The following EPHA3 variants were observed in gnomAD, a reference collection of about 807,000 sequenced individuals.
EPHA3 encodes ephrin type-A receptor 3.
Under a neutral mutation model 107.1 loss-of-function variants are expected in EPHA3, and 42 were observed. The ratio of observed to expected loss-of-function variants is 0.39; its 90% CI spans 0.31 to 0.51. EPHA3 has a LOEUF of 0.51. Among genes scored for constraint, EPHA3 ranks in the 20% least tolerant of loss-of-function variants. The probability of loss-of-function intolerance (pLI) is 0.78; values close to 1 mark genes in which losing one functional copy is unlikely to be tolerated. For missense variants in EPHA3, 1,183 were observed against 1,211.2 expected (o/e 0.98, Z 0.35); for synonymous variants, 461 against 424.8 (o/e 1.09, Z -1.05).
chr3:89,147,263 A>G (rs1157835394), intron 2 of EPHA3, among the ~76,000 whole-genome samples: 2 of 151,784 alleles, frequency 1.3e-5, no homozygotes, highest in South Asian at 2.1e-4. Context: ...TGATGGGTTG[A>G]TAGGTACATC....
intron 2 of EPHA3, among the ~76,000 whole-genome samples, chr3:89,171,737 G>A (rs1336660589): frequency 6.6e-6 from 1 of 152,094 alleles, no homozygotes. Flanking sequence ...CATCCCAAAG[G>A]AGGCAGTTGA....
intron 3 of EPHA3, among the ~76,000 whole-genome samples, chr3:89,259,290 C>CTAACCCTGACCACCTCCTA (rs1705361325): frequency 6.6e-6 from 1 of 152,150 alleles, no homozygotes; most frequent in African/African-American, 2.4e-5. Flanking sequence ...TCTGTGTTCC[C>CTAACCCTGACCACCTCCTA]TAACCCTGAC....
At chr3:89,250,690 G>A (rs1323901648) in intron 3 of EPHA3, among the ~76,000 whole-genome samples, 1 of 152,080 alleles carries the variant, frequency 6.6e-6, no homozygotes, top group East Asian at 1.9e-4. Flanking sequence ...TTCCTTAAAA[G>A]GCTCAAACTT....
At chr3:89,162,003 T>C (rs1262417258) in intron 2 of EPHA3, among the ~76,000 whole-genome samples, 1 of 149,892 alleles carries the variant, frequency 6.7e-6, no homozygotes, top group African/African-American at 2.4e-5. Flanking sequence ...ATAATAGTAA[T>C]AATAATAAAT....
intron 1 of EPHA3, among the ~76,000 whole-genome samples, chr3:89,121,397 G>A (rs1707381318): frequency 6.6e-6 from 1 of 152,040 alleles, no homozygotes; most frequent in Non-Finnish European, 1.5e-5. Flanking sequence ...ACACATAATA[G>A]TTGACTTCGT....
chr3:89,438,687 G>A (rs1709722075), intron 13 of EPHA3, among the ~76,000 whole-genome samples: 1 of 152,076 alleles, frequency 6.6e-6, no homozygotes. Flanking sequence ...TATCTAATTT[G>A]TGTCCTTCAT....
At chr3:89,476,207 GTATA>G (rs1245915736) in intron 16 of EPHA3, among the ~76,000 whole-genome samples, 1 of 146,192 alleles carries the variant, frequency 6.8e-6, no homozygotes, top group African/African-American at 2.5e-5. Context: ...ATATAAACAT[GTATA>G]TATATAAGCA....
intron 5 of EPHA3, among the ~76,000 whole-genome samples, chr3:89,381,064 C>A (rs1223626402): frequency 6.6e-6 from 1 of 152,084 alleles, no homozygotes. Flanking sequence ...GCTCCACCTC[C>A]TGGTTTCCCG....
Position 89,438,118 on chromosome 3 carries a change from G to GT in EPHA3, c.2346+6767dup, listed in dbSNP as rs915173650. 5.2e-4 allele frequency among the ~76,000 whole-genome samples: 79 copies of GT among 150,918 alleles called. 1 individual carries two copies. Among genetic ancestry groups the GT allele is most frequent in the South Asian group, 2.9e-3 (14 of 4,772 alleles). On this transcript the variant is annotated intron_variant, in intron 13 of 16. Coordinates refer to ENST00000336596, the MANE Select transcript of EPHA3 (RefSeq NM_005233.6). ...TTGTTTTTTTGTTTTGTTTTGTTTT[G>GT]TTTTTTTTGAGATGGAGTCTCACTC... is the stretch of plus-strand genomic sequence containing the variant.
At chr3:89,136,119 G>A (rs1022295035) in intron 2 of EPHA3, among the ~76,000 whole-genome samples, 32 of 151,984 alleles carry the variant, frequency 2.1e-4, no homozygotes, top group African/African-American at 7.7e-4. Context: ...CTGGGATTCT[G>A]CCTTTATGAA....
At position 89,324,988 on chromosome 3, in the gene EPHA3, T is replaced by C. The variant is rs78320483; in HGVS notation, c.815-15928T>C. On this transcript the variant is annotated intron_variant, in intron 3 of 16. Coordinates refer to ENST00000336596, the MANE Select transcript of EPHA3 (RefSeq NM_005233.6). ...CTGTTCCTGCCTAATTCACTTCGCA[T>C]AATGGCCTCCAGTTGCATCCATGTT... Among the ~76,000 whole-genome samples, 150 of 152,284 alleles carry C rather than the reference T, an allele frequency of 9.9e-4. 3 individuals are homozygous for C. The East Asian group carries it at 0.023, about 23-fold the overall frequency.
chr3:89,382,991 A>T (rs1386540887), intron 5 of EPHA3, among the ~76,000 whole-genome samples: 1 of 152,230 alleles, frequency 6.6e-6, no homozygotes, highest in Admixed American at 6.5e-5. Context: ...TCATATATTG[A>T]TATACTGATA....
chr3:89,168,437 G>A (rs1225738943), intron 2 of EPHA3, among the ~76,000 whole-genome samples: 2 of 151,998 alleles, frequency 1.3e-5, no homozygotes, highest in Non-Finnish European at 2.9e-5. Context: ...AATCATTAAT[G>A]AGGCTGTGAT....
chr3:89,319,244 G>A (rs1706983745), intron 3 of EPHA3, among the ~76,000 whole-genome samples: 1 of 151,930 alleles, frequency 6.6e-6, no homozygotes, highest in Non-Finnish European at 1.5e-5. Context: ...AGGGAGAAGA[G>A]AAGTAGGAGC....
Position 89,389,973 on chromosome 3 carries a change from G to A in EPHA3, c.1307-5864G>A, listed in dbSNP as rs527464444. On this transcript the variant is annotated intron_variant, in intron 5 of 16. Coordinates refer to ENST00000336596, the MANE Select transcript of EPHA3 (RefSeq NM_005233.6). ...AGAAAAAGTTCTTCTCTACTTCTCG[G>A]CTGAGGTTCAATTATTAACTTTTTT... Among the ~76,000 whole-genome samples, 44 of 152,186 alleles carry A rather than the reference G, an allele frequency of 2.9e-4. 1 individual carries two copies. The South Asian group carries it at 5.4e-3, about 19-fold the overall frequency.
At chr3:89,118,719 T>G (rs1469457579) in intron 1 of EPHA3, among the ~76,000 whole-genome samples, 1 of 151,960 alleles carries the variant, frequency 6.6e-6, no homozygotes, top group Non-Finnish European at 1.5e-5. Context: ...ATTGTCTGTT[T>G]ATTTACCAAA....
chr3:89,419,493 C>T, intron 11 of EPHA3, 103 bp downstream of exon 11: 1 of 989,414 alleles, frequency 1.0e-6, no homozygotes, highest in Non-Finnish European at 1.4e-6. Flanking sequence ...TCATAAGTAT[C>T]TCAGTTTTAC....
rs868553149 is a variant in EPHA3, at chr3:89,242,098, A to G, written c.814+31578A>G. ...AATCAATGAGGATATGAAAGGAAAT[A>G]CACGGTTGGCAGAGTTGGGAATCCA... is the stretch of plus-strand genomic sequence containing the variant. On this transcript the variant is annotated intron_variant, in intron 3 of 16. Coordinates refer to ENST00000336596, the MANE Select transcript of EPHA3 (RefSeq NM_005233.6). Among the ~76,000 whole-genome samples, 37 of 152,242 alleles carry G rather than the reference A, an allele frequency of 2.4e-4. 1 individual carries two copies. Among genetic ancestry groups the G allele is most frequent in the Admixed American group, 1.3e-3 (20 of 15,288 alleles).
At chr3:89,240,392 T>C (rs979125564) in intron 3 of EPHA3, among the ~76,000 whole-genome samples, 1 of 152,128 alleles carries the variant, frequency 6.6e-6, no homozygotes, top group Non-Finnish European at 1.5e-5. Context: ...ACATATAGTG[T>C]TATGCACATA....
Sources: gnomAD v4.1 joint callset for allele counts (sites outside exome capture counted in the v4.1 genomes callset) on GRCh38, gnomAD v4.1.1 for gene constraint, MANE v1.5 for transcripts, NCBI Gene and HGNC (gene_info 2026-07-23, HGNC 2026-07-21) for gene names.